MSANTD2: variants seen among roughly 807,000 people sequenced by gnomAD.
MSANTD2 encodes the protein Myb/SANT DNA binding domain containing 2.
A neutral mutation model predicts 52.6 loss-of-function variants in MSANTD2; 19 were observed. That is an observed-to-expected ratio of 0.36 (90% CI 0.25 to 0.53). MSANTD2 has a LOEUF of 0.53. Among genes scored for constraint, MSANTD2 ranks in the 20% least tolerant of loss-of-function variants. MSANTD2 has a pLI of 0.91. For missense variants in MSANTD2, 558 were observed against 716.3 expected (o/e 0.78, Z 2.52); for synonymous variants, 291 against 289.7 (o/e 1.00, Z -0.04).
intron 1 of MSANTD2, chr11:124,791,420 T>C (rs1945329138): frequency 7.5e-7 from 1 of 1,333,348 alleles, no homozygotes; most frequent in Non-Finnish European, 1.1e-6. Flanking sequence ...GTGTACAGGG[T>C]GAGTGAGAAG....
chr11:124,782,933 T>A (rs1409005484), intron 1 of MSANTD2, among the ~76,000 whole-genome samples: 1 of 152,174 alleles, frequency 6.6e-6, no homozygotes, highest in East Asian at 1.9e-4. Flanking sequence ...AAGGCTATTT[T>A]AAAAATATCT....
At chr11:124,781,652 CTTTTT>C (rs571106311) in intron 1 of MSANTD2, among the ~76,000 whole-genome samples, 6 of 134,208 alleles carry the variant, frequency 4.5e-5, no homozygotes, top group African/African-American at 1.5e-4. Context: ...TCATCAATGT[CTTTTT>C]TTTTTTTTTT....
In MSANTD2 at chr11:124,799,063, G is replaced by A. The variant is rs1945590102; in HGVS notation, c.510+808C>T. Among the ~76,000 whole-genome samples, 2 of 152,092 alleles carry A rather than the reference G, an allele frequency of 1.3e-5. 1 individual carries two copies. Among genetic ancestry groups the A allele is most frequent in the Non-Finnish European group, 2.9e-5 (2 of 68,018 alleles). On this transcript the variant is annotated intron_variant, in intron 1 of 3. Transcript: ENST00000374979. ...TGCATTTAAACATGCAGGTACACAAGGACGGCCAGATGCACACTGAGAGTT... is the reference window on the plus strand; with the variant it reads ...TGCATTTAAACATGCAGGTACACAAAGACGGCCAGATGCACACTGAGAGTT...
At chr11:124,793,796 ATT>A (rs11353173) in intron 1 of MSANTD2, among the ~76,000 whole-genome samples, 6 of 148,472 alleles carry the variant, frequency 4.0e-5, no homozygotes, top group Admixed American at 6.7e-5. Context: ...ATGGCAGGCC[ATT>A]TTTTTTTTTT....
chr11:124,798,046 CT>C (rs1202632474), intron 1 of MSANTD2, among the ~76,000 whole-genome samples: 2 of 151,992 alleles, frequency 1.3e-5, no homozygotes, highest in African/African-American at 4.8e-5. Flanking sequence ...CTAAAATGCA[CT>C]TCTAAACTCA....
chr11:124,800,254 TG>T lies in MSANTD2; in HGVS notation c.126del (p.Thr43ArgfsTer137). The T allele has an allele frequency of 6.4e-7, 1 of 1,560,570 alleles. No individual in the cohort carries two copies. Among genetic ancestry groups the T allele is most frequent in the Non-Finnish European group, 8.6e-7 (1 of 1,156,780 alleles). The stretch of plus-strand genomic sequence containing the variant: ...CCGAGCGGGGAGGCACCCCGAGGCG[TG>T]GAAGGGTCGGACAGCGATGGATTTC... ...SDGNPSLSDPSTPRGASPLGP... is the reference protein window; with the variant it reads ...SDGNPSLSDPXTPRGASPLGP... On this transcript the variant is annotated frameshift_variant, in exon 1 of 4. Transcript: ENST00000374979. LOFTEE classifies it high-confidence loss of function. This position sits in a 1 kb window ranked among gnomAD's most constrained non-coding sequence, Gnocchi z 4.3.
At chr11:124,772,138 T>C (rs919961510) in intron 3 of MSANTD2, among the ~76,000 whole-genome samples, 4 of 152,196 alleles carry the variant, frequency 2.6e-5, no homozygotes, top group African/African-American at 9.6e-5. Context: ...CTGGACTTTC[T>C]TAGTCTTTCC....
intron 1 of MSANTD2, chr11:124,775,701 C>A (rs1042673799): frequency 3.3e-5 from 5 of 152,238 alleles, no homozygotes; most frequent in African/African-American, 4.8e-5. Context: ...AACAAACCAA[C>A]AAATGAAGCC....
intron 1 of MSANTD2, among the ~76,000 whole-genome samples, chr11:124,777,242 C>T (rs1050957414): frequency 6.6e-6 from 1 of 152,220 alleles, no homozygotes; most frequent in Non-Finnish European, 1.5e-5. Context: ...TTTCACCCTT[C>T]CAAGGCCATA....
chr11:124,783,925 T>C (rs991354300), intron 1 of MSANTD2: 2 of 985,424 alleles, frequency 2.0e-6, no homozygotes, highest in Admixed American at 6.1e-5. Flanking sequence ...TGAGCAGTAA[T>C]ACTTGTAAAG....
At position 124,800,327 on chromosome 11, in the gene MSANTD2, C is replaced by G; in HGVS notation, c.54G>C (p.Pro18=). The change falls in exon 1 of 4, where the codon CCG becomes CCC. Residue 18 remains proline (P), a synonymous_variant. Transcript: ENST00000374979. The surrounding 1 kb of genome is among the most constrained non-coding windows in gnomAD (Gnocchi z 4.3). The part of the protein sequence containing the change: ...ELPANSPLKI[P]KMEVLSPASP... ...AAGCCGGGGAAAGCACCTCCATCTT[C>G]GGAATTTTTAGCGGCGAGTTGGCGG... 1 of 1,561,354 alleles carries G rather than the reference C, an allele frequency of 6.4e-7. No individual in the cohort carries two copies. The highest frequency in any genetic ancestry group is 1.2e-5 in the South Asian group (1 of 85,758).
chr11:124,787,208 G>A (rs1267303794), intron 1 of MSANTD2, among the ~76,000 whole-genome samples: 1 of 152,192 alleles, frequency 6.6e-6, no homozygotes, highest in Non-Finnish European at 1.5e-5. Flanking sequence ...TTCAAATAAA[G>A]TAGTGCAGCA....
At chr11:124,796,209 C>T (rs1327411566) in intron 1 of MSANTD2, among the ~76,000 whole-genome samples, 1 of 151,944 alleles carries the variant, frequency 6.6e-6, no homozygotes, top group South Asian at 2.1e-4. Context: ...ATAAGAGGAC[C>T]AAGGCACAGT....
At position 124,791,218 on chromosome 11, in the gene MSANTD2, C is replaced by A. The variant is rs145515178; in HGVS notation, c.510+8653G>T. 987 of 1,321,560 alleles carry A rather than the reference C, an allele frequency of 7.5e-4. 13 individuals are homozygous for A. In the East Asian group the frequency reaches 0.019, roughly 25 times the overall value. The allele number at this position is 1,321,560 out of a possible 1,614,324, so 81.9% of individuals were successfully genotyped here. ...GCATGTGAGGGACATTTGGAGAATG[C>A]CATCATTGACCATCAATGGGGTCAC... On this transcript the variant is annotated intron_variant, in intron 1 of 3. Transcript: ENST00000374979.
intron 1 of MSANTD2, among the ~76,000 whole-genome samples, chr11:124,795,794 C>T (rs1203542880): frequency 6.6e-6 from 1 of 151,966 alleles, no homozygotes; most frequent in East Asian, 1.9e-4. Context: ...TATGAAAAGG[C>T]CTACAGTAAA....
chr11:124,777,406 A>G (rs1013607414), intron 1 of MSANTD2, among the ~76,000 whole-genome samples: 3 of 152,252 alleles, frequency 2.0e-5, no homozygotes, highest in African/African-American at 7.2e-5. Context: ...GGTGCCACAC[A>G]TATCAGGAAG....
intron 1 of MSANTD2, among the ~76,000 whole-genome samples, chr11:124,782,703 T>G (rs1945022518): frequency 6.6e-6 from 1 of 152,188 alleles, no homozygotes; most frequent in African/African-American, 2.4e-5. Flanking sequence ...TTGTCTCTAT[T>G]CCCCAAGCCT....
At position 124,774,848 on chromosome 11, in the gene MSANTD2, C is replaced by A; in HGVS notation, c.637G>T (p.Val213Leu). 6.2e-7 allele frequency: 1 copy of A among 1,614,066 alleles called. No individual in the cohort carries two copies. The highest frequency in any genetic ancestry group is 8.5e-7 in the Non-Finnish European group (1 of 1,180,030). Residue 213 changes from valine (V) to leucine (L), a missense_variant, in exon 2 of 4, where the codon GTA (valine) becomes TTA (leucine). This residue lies in a region of MSANTD2 where 408 missense variants were observed against 573.6 expected (regional missense o/e 0.71). Coordinates refer to ENST00000374979, the MANE Select transcript of MSANTD2 (RefSeq NM_001308027.2). This position sits in a 1 kb window ranked among gnomAD's most constrained non-coding sequence, Gnocchi z 5.1. ...GGWDAQPCQP[V>L]LINSSGLYQE... ...TACAAGCCACTACTGTTAATAAGTA[C>A]AGGCTGGCAGGGCTGAGCATCCCAT...
chr11:124,788,305 C>T (rs1945226019), intron 1 of MSANTD2, among the ~76,000 whole-genome samples: 2 of 152,112 alleles, frequency 1.3e-5, no homozygotes, highest in Admixed American at 6.5e-5. Context: ...GAATAACCCA[C>T]ATATGCTCTT....
Sources: allele counts gnomAD v4.1 joint callset (sites outside exome capture counted in the v4.1 genomes callset), GRCh38; gene constraint gnomAD v4.1.1; regional missense constraint gnomAD v4.1.1; non-coding constraint Gnocchi (gnomAD v3.1); transcripts MANE v1.5; gene names NCBI Gene and HGNC (gene_info 2026-07-23, HGNC 2026-07-21).